Variants in CRACDL observed in about 807,000 individuals in gnomAD.
CRACDL encodes the protein CRACD like.
In CRACDL, 26 loss-of-function variants were observed where a neutral mutation model predicts 70.6. That is an observed-to-expected ratio of 0.37 (90% CI 0.27 to 0.51). The LOEUF is 0.51. Among genes scored for constraint, CRACDL ranks in the 20% least tolerant of loss-of-function variants. The pLI is 0.94. For synonymous variants in CRACDL, 618 were observed against 615.2 expected (o/e 1.00, Z -0.07); for missense variants, 1,283 against 1,376.9 (o/e 0.93, Z 1.08).
Position 98,860,488 on chromosome 2 carries a change from G to T in CRACDL, c.-10-13678C>A, listed in dbSNP as rs191789606. Among the ~76,000 whole-genome samples, 11 of 152,072 alleles carry T rather than the reference G, an allele frequency of 7.2e-5. No homozygotes were observed. In the East Asian group the frequency reaches 1.7e-3, roughly 24 times the overall value. ...TAAACACATACTCTTATGGCCAATT[G>T]ATTTTCAATGAGGGTGTCAAGACAA... On this transcript the variant is annotated intron_variant, in intron 1 of 9. Transcript: ENST00000397899.
intron 1 of CRACDL, among the ~76,000 whole-genome samples, chr2:98,860,901 CAAT>C (rs1706909648): frequency 6.6e-6 from 1 of 152,106 alleles, no homozygotes; most frequent in African/African-American, 2.4e-5. Context: ...TCTTATAACT[CAAT>C]AATAAAAAGA....
At chr2:98,922,760 T>A (rs908247545) in intron 1 of CRACDL, among the ~76,000 whole-genome samples, 19 of 152,126 alleles carry the variant, frequency 1.2e-4, no homozygotes, top group Non-Finnish European at 2.2e-4. Flanking sequence ...GAGCTTCTTG[T>A]GAGGGGCCAG....
At chr2:98,881,700 C>G (rs1032413259) in intron 1 of CRACDL, among the ~76,000 whole-genome samples, 11 of 152,202 alleles carry the variant, frequency 7.2e-5, no homozygotes, top group South Asian at 2.1e-4. Flanking sequence ...GGAGCTGCCA[C>G]AAGCTTGGTT....
In CRACDL at chr2:98,866,475, C is replaced by CTTTTTTTTTTTTTTTT. The variant is rs1173322192; in HGVS notation, c.-10-19681_-10-19666dup. On this transcript the variant is annotated intron_variant, in intron 1 of 9. Coordinates refer to ENST00000397899, the MANE Select transcript of CRACDL (RefSeq NM_207362.3). Reference sequence around the variant, plus strand: ...CTGATAGATGAAACAATCACTTCTTCTTTTTTTTTTTTTTTTTTTTTTTTT... The same window carrying CTTTTTTTTTTTTTTTT: ...CTGATAGATGAAACAATCACTTCTTCTTTTTTTTTTTTTTTTTTTTTTTTTTTTTTTTTTTTTTTTT... Among the ~76,000 whole-genome samples, 9 of 43,226 alleles carry CTTTTTTTTTTTTTTTT rather than the reference C, an allele frequency of 2.1e-4. 1 individual carries two copies. Among genetic ancestry groups the CTTTTTTTTTTTTTTTT allele is most frequent in the African/African-American group, 7.0e-4 (7 of 9,954 alleles). The allele number at this position is 43,226 out of a possible 152,430, so 28.4% of individuals were successfully genotyped here.
At chr2:98,909,433 T>A (rs1708491567) in intron 1 of CRACDL, among the ~76,000 whole-genome samples, 1 of 152,196 alleles carries the variant, frequency 6.6e-6, no homozygotes, top group South Asian at 2.1e-4. Context: ...GAGAAAGCAG[T>A]TATGATTACG....
chr2:98,872,892 A>G (rs1458233800), intron 1 of CRACDL, among the ~76,000 whole-genome samples: 1 of 152,246 alleles, frequency 6.6e-6, no homozygotes, highest in Non-Finnish European at 1.5e-5. Flanking sequence ...GGGTCATGGA[A>G]TGATGTTCAT....
intron 5 of CRACDL, among the ~76,000 whole-genome samples, chr2:98,828,185 T>C (rs1705389047): frequency 6.6e-6 from 1 of 152,094 alleles, no homozygotes; most frequent in African/African-American, 2.4e-5. Context: ...GAGGTCGAAG[T>C]GGGCTCCCCT....
At chr2:98,819,108 A>T (rs1041946508) in intron 7 of CRACDL, among the ~76,000 whole-genome samples, 1 of 152,206 alleles carries the variant, frequency 6.6e-6, no homozygotes, top group African/African-American at 2.4e-5. Context: ...AAAGCTGTTA[A>T]TAAAAAAAAT....
chr2:98,868,227 G>A (rs1443370980), intron 1 of CRACDL, among the ~76,000 whole-genome samples: 2 of 152,174 alleles, frequency 1.3e-5, no homozygotes, highest in African/African-American at 2.4e-5. Flanking sequence ...TTTGAGGATG[G>A]ACTGTCTGCC....
chr2:98,894,589 G>A (rs564742380), intron 1 of CRACDL, among the ~76,000 whole-genome samples: 34 of 152,268 alleles, frequency 2.2e-4, no homozygotes, highest in African/African-American at 6.0e-4. Context: ...TTATATATAC[G>A]CAATGAGAAA....
At chr2:98,924,630 A>C (rs959709399) in intron 1 of CRACDL, among the ~76,000 whole-genome samples, 2 of 152,182 alleles carry the variant, frequency 1.3e-5, no homozygotes, top group African/African-American at 4.8e-5. Flanking sequence ...CGCTGGGCCC[A>C]GCAAGGTATG....
At chr2:98,916,277 A>T (rs1431516655) in intron 1 of CRACDL, among the ~76,000 whole-genome samples, 1 of 152,228 alleles carries the variant, frequency 6.6e-6, no homozygotes, top group Non-Finnish European at 1.5e-5. Context: ...GCCAAATCCT[A>T]GGAAACAGTG....
chr2:98,802,325 C>T (rs530465521), intron 7 of CRACDL, among the ~76,000 whole-genome samples: 1 of 152,370 alleles, frequency 6.6e-6, no homozygotes, highest in South Asian at 2.1e-4. Flanking sequence ...TTACAGCGAG[C>T]CTGGCCATCC....
intron 1 of CRACDL, among the ~76,000 whole-genome samples, chr2:98,929,508 G>C (rs978108114): frequency 6.6e-6 from 1 of 152,164 alleles, no homozygotes; most frequent in Non-Finnish European, 1.5e-5. Context: ...CTGTCCTGAG[G>C]AGCCAGGGGA....
At chr2:98,813,947 G>A (rs1704676074) in intron 7 of CRACDL, among the ~76,000 whole-genome samples, 1 of 152,076 alleles carries the variant, frequency 6.6e-6, no homozygotes, top group African/African-American at 2.4e-5. Flanking sequence ...TCAAGGAATT[G>A]GCCCTTTTCT....
At chr2:98,836,029 A>G (rs1416133809) in intron 3 of CRACDL, among the ~76,000 whole-genome samples, 1 of 152,214 alleles carries the variant, frequency 6.6e-6, no homozygotes, top group Non-Finnish European at 1.5e-5. Context: ...AGAATATAGG[A>G]AAGAGTTGAG....
rs1249288082 is a variant in CRACDL at position 98,823,498 on chromosome 2, G to T, written c.775C>A (p.Pro259Thr). 1 of 1,593,814 alleles carries T rather than the reference G, an allele frequency of 6.3e-7. No individual in the cohort carries two copies. The highest frequency in any genetic ancestry group is 8.5e-7 in the Non-Finnish European group (1 of 1,177,646). Residue 259 changes from proline (P) to threonine (T), a missense_variant, in exon 7 of 10, where the codon CCA becomes ACA. By Grantham distance (38) the Pro-to-Thr change is conservative. Transcript: ENST00000397899. This position sits in a 1 kb window ranked among gnomAD's most constrained non-coding sequence, Gnocchi z 4.0. ...TTCTCCTCGTTTTCCTCCTCCTCTG[G>T]GGTGCACGTCAGGTCGCTCAGGGAT... ...SESLSDLTCT[P>T]EEEENEEKPL...
intron 3 of CRACDL, among the ~76,000 whole-genome samples, chr2:98,836,505 C>A (rs866510299): frequency 1.3e-5 from 2 of 152,160 alleles, no homozygotes; most frequent in Admixed American, 6.5e-5. Flanking sequence ...AAAAGCACAC[C>A]GTCTCCACTT....
chr2:98,851,475 A>C (rs7590596), intron 1 of CRACDL, among the ~76,000 whole-genome samples: 11 of 151,962 alleles, frequency 7.2e-5, no homozygotes, highest in Non-Finnish European at 1.6e-4. Flanking sequence ...AGGTGATTTA[A>C]TCTACCTGAG....
Sources: gnomAD v4.1 joint callset for allele counts (sites outside exome capture counted in the v4.1 genomes callset) on GRCh38, gnomAD v4.1.1 for gene constraint, Gnocchi (gnomAD v3.1) non-coding constraint, MANE v1.5 for transcripts, NCBI Gene and HGNC (gene_info 2026-07-23, HGNC 2026-07-21) for gene names.